LRMDA: variants seen among roughly 807,000 people sequenced by gnomAD.
The protein encoded by LRMDA is leucine rich melanocyte differentiation associated, also known as leucine-rich melanocyte differentiation-associated protein.
Under a neutral mutation model 29.8 loss-of-function variants are expected in LRMDA, and 18 were observed. That is an observed-to-expected ratio of 0.60 (90% CI 0.42 to 0.90). The LOEUF is 0.90. Among genes scored for constraint, LRMDA ranks in the 40% least tolerant of loss-of-function variants. The pLI, the probability that LRMDA is intolerant of heterozygous loss-of-function variation, is 0.00. For missense variants in LRMDA, 273 were observed against 273.9 expected, an observed-to-expected ratio of 1.00 and a Z score of 0.02; for synonymous variants, 125 against 109.4, an observed-to-expected ratio of 1.14 and a Z score of -0.89.
At chr10:75,545,443 T>G (rs1187484069) in intron 2 of LRMDA, among the ~76,000 whole-genome samples, 1 of 152,198 alleles carries the variant, frequency 6.6e-6, no homozygotes, top group East Asian at 1.9e-4. Flanking sequence ...TTGGGCTTGT[T>G]GCTTAACCTT....
chr10:76,407,105 A>G (rs534699945), intron 6 of LRMDA, among the ~76,000 whole-genome samples: 1 of 152,134 alleles, frequency 6.6e-6, no homozygotes, highest in Non-Finnish European at 1.5e-5. Context: ...AGGGCTGTGG[A>G]CTAGGTGTTA....
At chr10:76,548,174 G>A (rs527280008) in intron 6 of LRMDA, among the ~76,000 whole-genome samples, 2 of 152,186 alleles carry the variant, frequency 1.3e-5, no homozygotes, top group East Asian at 1.9e-4. Context: ...TGCCTGGTCC[G>A]GTTCTGTCAC....
At chr10:75,897,035 T>C (rs760647323) in intron 2 of LRMDA, among the ~76,000 whole-genome samples, 1 of 152,192 alleles carries the variant, frequency 6.6e-6, no homozygotes, top group Non-Finnish European at 1.5e-5. Context: ...AGATTTACAC[T>C]GGTTATAAAT....
chr10:76,172,653 C>G (rs1850859752), intron 5 of LRMDA, among the ~76,000 whole-genome samples: 1 of 152,160 alleles, frequency 6.6e-6, no homozygotes, highest in African/African-American at 2.4e-5. Context: ...CTTTGGAGCT[C>G]ACACAGGACC....
chr10:76,389,962 T>C (rs1367410964), intron 6 of LRMDA, among the ~76,000 whole-genome samples: 2 of 152,194 alleles, frequency 1.3e-5, no homozygotes, highest in Non-Finnish European at 2.9e-5. Context: ...GACCTATAGA[T>C]AAATCTTTGA....
chr10:76,161,959 A>G (rs1850654839), intron 5 of LRMDA, among the ~76,000 whole-genome samples: 2 of 152,218 alleles, frequency 1.3e-5, no homozygotes, highest in Non-Finnish European at 2.9e-5. Context: ...GTATAAAATA[A>G]TATTCTTTAG....
chr10:75,782,843 T>C (rs1235046590), intron 2 of LRMDA: 3 of 1,514,414 alleles, frequency 2.0e-6, no homozygotes, highest in South Asian at 2.5e-5. Context: ...GCATGTGTTT[T>C]AGTTTTATTC....
intron 5 of LRMDA, among the ~76,000 whole-genome samples, chr10:76,083,151 T>C (rs895625774): frequency 8.5e-5 from 13 of 152,184 alleles, no homozygotes; most frequent in Admixed American, 3.3e-4. Flanking sequence ...TTCTTAGAGA[T>C]TGCAAATGAC....
chr10:76,335,935 C>T (rs1447957088), intron 6 of LRMDA, among the ~76,000 whole-genome samples: 1 of 152,142 alleles, frequency 6.6e-6, no homozygotes, highest in East Asian at 1.9e-4. Flanking sequence ...ATGTCCAACC[C>T]ACCCCCGACT....
chr10:75,820,065 G>A (rs1844130582), intron 2 of LRMDA, among the ~76,000 whole-genome samples: 2 of 152,150 alleles, frequency 1.3e-5, no homozygotes, highest in South Asian at 4.2e-4. Context: ...GTAATAAGGG[G>A]GACATCAGTA....
chr10:76,317,036 A>C (rs771290383), intron 5 of LRMDA, among the ~76,000 whole-genome samples: 10 of 152,204 alleles, frequency 6.6e-5, no homozygotes, highest in Non-Finnish European at 1.3e-4. Flanking sequence ...GTGGACAGTG[A>C]AGCAGGGGAG....
chr10:75,504,015 ATTT>A (rs34217626), intron 2 of LRMDA, among the ~76,000 whole-genome samples: 2 of 141,786 alleles, frequency 1.4e-5, no homozygotes, highest in African/African-American at 2.6e-5. Context: ...TATTAATCCC[ATTT>A]TTTTTTTTTT....
At chr10:75,519,251 A>G (rs2132036400) in intron 2 of LRMDA, among the ~76,000 whole-genome samples, 2 of 152,232 alleles carry the variant, frequency 1.3e-5, no homozygotes, top group Middle Eastern at 6.8e-3. Flanking sequence ...CATGTCCTGG[A>G]TATCCCTGTT....
At chr10:75,861,665 T>C in intron 2 of LRMDA, among the ~76,000 whole-genome samples, 1 of 152,258 alleles carries the variant, frequency 6.6e-6, no homozygotes, top group East Asian at 1.9e-4. Flanking sequence ...TCTTGGGATT[T>C]ACTATTATAA....
intron 6 of LRMDA, among the ~76,000 whole-genome samples, chr10:76,370,627 G>A (rs921516030): frequency 7.9e-5 from 12 of 151,892 alleles, no homozygotes; most frequent in Admixed American, 1.3e-4. Context: ...GACTATATTC[G>A]TATAACTTTT....
chr10:75,535,006 A>G (rs1839930145), intron 2 of LRMDA, among the ~76,000 whole-genome samples: 1 of 152,176 alleles, frequency 6.6e-6, no homozygotes, highest in Non-Finnish European at 1.5e-5. Flanking sequence ...CATTTATTTG[A>G]TGATGTCTCT....
chr10:76,357,083 A>G (rs1013143341), intron 6 of LRMDA, among the ~76,000 whole-genome samples: 6 of 152,230 alleles, frequency 3.9e-5, no homozygotes, highest in African/African-American at 1.4e-4. Context: ...AGGCATAGAA[A>G]GAGAGAAGAG....
chr10:75,657,428 C>T (rs1841690963), intron 2 of LRMDA, among the ~76,000 whole-genome samples: 2 of 152,118 alleles, frequency 1.3e-5, no homozygotes, highest in Admixed American at 1.3e-4. Context: ...GCTGGAAATT[C>T]ATGATCAGAC....
intron 2 of LRMDA, among the ~76,000 whole-genome samples, chr10:75,626,238 C>T (rs1031366174): frequency 2.6e-5 from 4 of 152,118 alleles, no homozygotes; most frequent in South Asian, 4.2e-4. Flanking sequence ...GAACAGCATG[C>T]GTGGTAAGAT....
Sources: gnomAD v4.1 joint callset for allele counts (sites outside exome capture counted in the v4.1 genomes callset) on GRCh38, gnomAD v4.1.1 for gene constraint, MANE v1.5 for transcripts, NCBI Gene and HGNC (gene_info 2026-07-23, HGNC 2026-07-21) for gene names.